Variants in ZFPM2 observed in about 807,000 individuals in gnomAD.
ZFPM2 encodes the protein zinc finger protein ZFPM2.
In ZFPM2, 20 loss-of-function variants were observed where a neutral mutation model predicts 98.6. The ratio of observed to expected loss-of-function variants is 0.20; its 90% CI spans 0.14 to 0.29. The LOEUF (loss-of-function observed/expected upper bound fraction) is 0.29. Among genes scored for constraint, ZFPM2 ranks in the 10% least tolerant of loss-of-function variants. The probability of loss-of-function intolerance (pLI) is 1.00; values close to 1 mark genes in which losing one functional copy is unlikely to be tolerated. For synonymous variants in ZFPM2, 518 were observed against 502.7 expected (o/e 1.03, Z -0.41); for missense variants, 1,310 against 1,388.6 (o/e 0.94, Z 0.90).
intron 1 of ZFPM2, among the ~76,000 whole-genome samples, chr8:105,362,901 A>G (rs1306536692): frequency 2.6e-5 from 4 of 152,214 alleles, no homozygotes; most frequent in African/African-American, 7.2e-5. Context: ...TTCTTCTAGC[A>G]TAGCTGTTGA....
chr8:105,580,026 A>T (rs1815553694), intron 4 of ZFPM2, among the ~76,000 whole-genome samples: 1 of 152,170 alleles, frequency 6.6e-6, no homozygotes, highest in East Asian at 1.9e-4. Flanking sequence ...ACACAGATGT[A>T]AAATAGTTCT....
chr8:105,613,502 T>C (rs1341196272), intron 4 of ZFPM2, among the ~76,000 whole-genome samples: 2 of 152,082 alleles, frequency 1.3e-5, no homozygotes, highest in South Asian at 2.1e-4. Flanking sequence ...AAAGGAAGAA[T>C]GTTGAAAGGT....
intron 5 of ZFPM2, among the ~76,000 whole-genome samples, chr8:105,787,772 G>A (rs746927): frequency 0.17 from 25,541 of 152,020 alleles, 3,779 homozygotes; most frequent in African/African-American, 0.4. Flanking sequence ...CAAGTATGCT[G>A]CATTATTTCA....
chr8:105,448,827 G>A (rs928682306), intron 3 of ZFPM2, among the ~76,000 whole-genome samples: 2 of 152,026 alleles, frequency 1.3e-5, no homozygotes, highest in East Asian at 1.9e-4. Flanking sequence ...CTTGCTAAAC[G>A]TAAGTGGTCT....
intron 3 of ZFPM2, among the ~76,000 whole-genome samples, chr8:105,492,516 T>G (rs1359638207): frequency 6.6e-6 from 1 of 152,072 alleles, no homozygotes; most frequent in East Asian, 1.9e-4. Context: ...CTTGGGAAAA[T>G]GACAAATGAG....
intron 7 of ZFPM2, 148 bp downstream of exon 7, chr8:105,799,096 T>C: frequency 2.9e-6 from 2 of 693,402 alleles, no homozygotes; most frequent in East Asian, 5.4e-5. Flanking sequence ...CAGTGTGATC[T>C]TATGCCACTT....
At position 105,691,549 on chromosome 8, in the gene ZFPM2, CA is replaced by C. The variant is rs775069409; in HGVS notation, c.532+57195del. Among the ~76,000 whole-genome samples, 13 of 152,136 alleles carry C rather than the reference CA, an allele frequency of 8.5e-5. 3 individuals are homozygous for C. The highest frequency in any genetic ancestry group is 1.5e-4 in the Non-Finnish European group (10 of 68,018). On this transcript the variant is annotated intron_variant, in intron 5 of 7. Transcript: ENST00000407775. ...AGGCGTGAGCCACCGCGCCCAGCCC[CA>C]AAGAGACTTTTTGACCACCCTCACT... is the stretch of plus-strand genomic sequence containing the variant.
At chr8:105,467,390 C>G (rs1812814229) in intron 3 of ZFPM2, among the ~76,000 whole-genome samples, 1 of 152,006 alleles carries the variant, frequency 6.6e-6, no homozygotes. Context: ...GATACTTATA[C>G]CCAGCACATA....
chr8:105,655,830 T>A lies in ZFPM2; in HGVS notation c.532+21473T>A, dbSNP rs549026762. ...TCCTCTAAAAGCATTGTGATTATCG[T>A]TACTTTTATGATAGGGCCATTGAGG... is the stretch of plus-strand genomic sequence containing the variant. On this transcript the variant is annotated intron_variant, in intron 5 of 7. Coordinates refer to ENST00000407775, the MANE Select transcript of ZFPM2 (RefSeq NM_012082.4). Among the ~76,000 whole-genome samples the A allele has an allele frequency of 3.3e-5, 5 of 152,338 alleles. No individual in the cohort carries two copies. The South Asian group carries it at 1.0e-3, about 32-fold the overall frequency.
intron 4 of ZFPM2, among the ~76,000 whole-genome samples, chr8:105,579,887 T>C (rs1200676745): frequency 6.6e-6 from 1 of 152,146 alleles, no homozygotes; most frequent in Non-Finnish European, 1.5e-5. Flanking sequence ...TAGTGCTTTC[T>C]AAAAGACTCA....
At chr8:105,732,274 A>C in intron 5 of ZFPM2, among the ~76,000 whole-genome samples, 1 of 151,824 alleles carries the variant, frequency 6.6e-6, no homozygotes, top group East Asian at 1.9e-4. Context: ...ACTAAATGAT[A>C]AAATAAGCTT....
At chr8:105,585,279 A>G (rs180741085) in intron 4 of ZFPM2, among the ~76,000 whole-genome samples, 1 of 152,318 alleles carries the variant, frequency 6.6e-6, no homozygotes, top group Non-Finnish European at 1.5e-5. Context: ...GAATAATAGT[A>G]TATGTAAACC....
chr8:105,529,348 G>C (rs973161722), intron 3 of ZFPM2, among the ~76,000 whole-genome samples: 1 of 151,960 alleles, frequency 6.6e-6, no homozygotes, highest in Non-Finnish European at 1.5e-5. Flanking sequence ...TTTATGGGGG[G>C]CACAGTTTAG....
At chr8:105,342,188 C>T (rs970636608) in intron 1 of ZFPM2, among the ~76,000 whole-genome samples, 3 of 151,994 alleles carry the variant, frequency 2.0e-5, no homozygotes, top group African/African-American at 7.2e-5. Flanking sequence ...AAACCTGTTT[C>T]ATATTTAAGT....
intron 5 of ZFPM2, among the ~76,000 whole-genome samples, chr8:105,650,919 T>A (rs959153208): frequency 2.0e-5 from 3 of 152,192 alleles, no homozygotes; most frequent in African/African-American, 4.8e-5. Context: ...TTCCTGGATA[T>A]CCTTTTCTTA....
intron 5 of ZFPM2, among the ~76,000 whole-genome samples, chr8:105,764,127 CT>C (rs1812800038): frequency 6.6e-6 from 1 of 151,756 alleles, no homozygotes; most frequent in Non-Finnish European, 1.5e-5. Context: ...CCAGGACTCT[CT>C]TTGATCCTTT....
At chr8:105,499,027 T>G (rs1191054576) in intron 3 of ZFPM2, among the ~76,000 whole-genome samples, 1 of 152,166 alleles carries the variant, frequency 6.6e-6, no homozygotes, top group Non-Finnish European at 1.5e-5. Flanking sequence ...TCCCCATTTC[T>G]GAGCACATAG....
chr8:105,670,495 C>CAA (rs1160128174), intron 5 of ZFPM2, among the ~76,000 whole-genome samples: 7,950 of 48,404 alleles, frequency 0.16, 942 homozygotes, highest in Non-Finnish European at 0.18. Flanking sequence ...GAGTCCATCT[C>CAA]AAAAAAAAAA....
intron 3 of ZFPM2, among the ~76,000 whole-genome samples, chr8:105,460,756 A>T (rs1180837761): frequency 1.3e-5 from 2 of 151,074 alleles, no homozygotes; most frequent in African/African-American, 4.9e-5. Flanking sequence ...TCTTATGGTT[A>T]TACATACAAA....
Sources: gnomAD v4.1 joint callset for allele counts (sites outside exome capture counted in the v4.1 genomes callset) on GRCh38, gnomAD v4.1.1 for gene constraint, MANE v1.5 for transcripts, NCBI Gene and HGNC (gene_info 2026-07-23, HGNC 2026-07-21) for gene names.